GPT2: variants seen among roughly 807,000 people sequenced by gnomAD.
GPT2 encodes alanine aminotransferase 2.
A neutral mutation model predicts 56.9 loss-of-function variants in GPT2; 30 were observed. The observed-to-expected ratio is 0.53, with a 90% CI of 0.39 to 0.72. GPT2 has a LOEUF of 0.72. Among genes scored for constraint, GPT2 ranks in the 30% least tolerant of loss-of-function variants. GPT2 has a pLI of 0.00. For synonymous variants in GPT2, 271 were observed against 283.1 expected (o/e 0.96, Z 0.43); for missense variants, 542 against 703.4 (o/e 0.77, Z 2.60).
chr16:46,919,160 AG>A (rs1284488071), intron 8 of GPT2, among the ~76,000 whole-genome samples: 1 of 152,222 alleles, frequency 6.6e-6, no homozygotes, highest in Non-Finnish European at 1.5e-5. Flanking sequence ...GTGACCTCAG[AG>A]GCTAAAGGGT....
At position 46,926,958 on chromosome 16, in the gene GPT2, A is replaced by G; in HGVS notation, c.1402A>G (p.Met468Val). The change falls in exon 11 of 12, where the codon ATG becomes GTG. Residue 468 changes from methionine to valine, a missense_variant. Coordinates refer to ENST00000340124, the MANE Select transcript of GPT2 (RefSeq NM_133443.4). ...HQMAPDMFYCMKLLEETGICV... is the reference protein window; with the variant it reads ...HQMAPDMFYCVKLLEETGICV... ...AATGGCTCCAGACATGTTCTACTGC[A>G]TGAAGCTCCTGGAGGAGACTGGCAT... 10 of 1,606,098 alleles carry G rather than the reference A, an allele frequency of 6.2e-6. No homozygotes were observed. Among genetic ancestry groups the G allele is most frequent in the Non-Finnish European group, 6.8e-6 (8 of 1,176,588 alleles).
rs894583862 is a variant in GPT2 at position 46,926,909 on chromosome 16, C to T, written c.1369-16C>T. 8 of 1,498,216 alleles carry T rather than the reference C, an allele frequency of 5.3e-6. No homozygotes were observed. In the African/African-American group the frequency reaches 8.4e-5, roughly 16 times the overall value. The allele number at this position is 1,498,216 out of a possible 1,614,324, so 92.8% of individuals were successfully genotyped here. A position where few individuals can be genotyped will look rare whatever the true frequency, so the allele number is the denominator to read the frequency against. On this transcript the variant is annotated splice_polypyrimidine_tract_variant and intron_variant, in intron 10 of 11. Transcript: ENST00000340124. ...GCAAAGCCAGGAATGATCATGAGCT[C>T]TGTCTGCTCCCATAGGCCCATCAAA...
chr16:46,906,395 T>A (rs1960926562), intron 4 of GPT2, among the ~76,000 whole-genome samples: 1 of 152,096 alleles, frequency 6.6e-6, no homozygotes, highest in African/African-American at 2.4e-5. Flanking sequence ...GTTGGCCCAC[T>A]CTCTCAAGTC....
At chr16:46,891,276 T>C (rs1324941922) in intron 2 of GPT2, among the ~76,000 whole-genome samples, 1 of 151,708 alleles carries the variant, frequency 6.6e-6, no homozygotes, top group African/African-American at 2.4e-5. Flanking sequence ...GGAGTCTCGC[T>C]CTGTTGCCCA....
chr16:46,906,903 C>T lies in GPT2; in HGVS notation c.504C>T (p.Thr168=). Residue 168 remains threonine, a synonymous_variant, in exon 5 of 12, where the codon ACC becomes ACT. Transcript: ENST00000340124. ...GTGAAGATGTGGCTGCCTACATCACCAGGAGGGATGGCGGTGTGCCTGCGG... is the reference window on the plus strand; with the variant it reads ...GTGAAGATGTGGCTGCCTACATCACTAGGAGGGATGGCGGTGTGCCTGCGG... ...CIREDVAAYI[T]RRDGGVPADP... 1.9e-6 allele frequency: 3 copies of T among 1,614,238 alleles called. No homozygotes were observed. The highest frequency in any genetic ancestry group is 1.6e-4 in the Middle Eastern group (1 of 6,062).
intron 2 of GPT2, among the ~76,000 whole-genome samples, chr16:46,891,645 G>A (rs745779990): frequency 4.6e-5 from 7 of 152,028 alleles, no homozygotes; most frequent in South Asian, 2.1e-4. Context: ...CACCGCGCCC[G>A]GGCAGTAGAT....
Position 46,916,652 on chromosome 16 carries a change from T to G in GPT2, c.845T>G (p.Ile282Arg), listed in dbSNP as rs780263424. 6.2e-7 allele frequency: 1 copy of G among 1,613,828 alleles called. No homozygotes were observed. The stretch of plus-strand genomic sequence containing the variant: ...GGCCAGGTACAAAGCAGAAAGTGCA[T>G]AGAAGATGTGATCCACTTTGCCTGG... ...PTGQVQSRKC[I>R]EDVIHFAWEE... The change falls in exon 7 of 12, where the codon ATA becomes AGA. Residue 282 changes from isoleucine to arginine, a missense_variant. Physicochemically the swap from Ile to Arg is moderately conservative, Grantham distance 97. Transcript: ENST00000340124.
intron 8 of GPT2, among the ~76,000 whole-genome samples, chr16:46,919,852 T>C (rs1596631647): frequency 6.6e-6 from 1 of 151,864 alleles, no homozygotes; most frequent in East Asian, 1.9e-4. Flanking sequence ...CCTGGATGTA[T>C]TTGAAGGTGG....
At chr16:46,908,812 G>T (rs1350567265) in intron 5 of GPT2, among the ~76,000 whole-genome samples, 1 of 152,212 alleles carries the variant, frequency 6.6e-6, no homozygotes, top group Non-Finnish European at 1.5e-5. Context: ...ACAAGATTCA[G>T]TGGAAAGAAT....
chr16:46,895,105 C>G (rs1023418507), intron 2 of GPT2, among the ~76,000 whole-genome samples: 1 of 152,090 alleles, frequency 6.6e-6, no homozygotes, highest in African/African-American at 2.4e-5. Flanking sequence ...GAGCCACTTC[C>G]GGGGCATCTT....
intron 4 of GPT2, among the ~76,000 whole-genome samples, chr16:46,902,213 G>A (rs894920547): frequency 5.9e-5 from 9 of 152,184 alleles, no homozygotes; most frequent in African/African-American, 1.7e-4. Flanking sequence ...GAGTTCCCTC[G>A]TGGGGTATTA....
At chr16:46,926,749 C>T (rs1317764256) in intron 10 of GPT2, among the ~76,000 whole-genome samples, 176 bp from the exon 11 acceptor site, 2 of 152,242 alleles carry the variant, frequency 1.3e-5, no homozygotes, top group Non-Finnish European at 2.9e-5. Flanking sequence ...GGTGTCTGTG[C>T]CTGGCACCAG....
chr16:46,898,967 C>T (rs28400363), intron 3 of GPT2, among the ~76,000 whole-genome samples: 1 of 12,786 alleles, frequency 7.8e-5, no homozygotes, highest in Non-Finnish European at 1.8e-4. Flanking sequence ...TATATATATA[C>T]ACACACACAT....
At chr16:46,925,834 A>T (rs150211562) in intron 10 of GPT2, among the ~76,000 whole-genome samples, 1,872 of 151,248 alleles carry the variant, frequency 0.012, 33 homozygotes, top group African/African-American at 0.042. Flanking sequence ...AAATAAATTT[A>T]AAAAAAAAGA....
At chr16:46,926,247 G>A (rs936722834) in intron 10 of GPT2, among the ~76,000 whole-genome samples, 8 of 151,120 alleles carry the variant, frequency 5.3e-5, no homozygotes, top group Non-Finnish European at 1.0e-4. Flanking sequence ...TCAGGAGTTC[G>A]AGACCAGCCT....
At position 46,924,507 on chromosome 16, in the gene GPT2, G is replaced by A. The variant is rs770380986; in HGVS notation, c.1331G>A (p.Arg444Gln). The A allele has an allele frequency of 6.8e-6, 11 of 1,614,080 alleles. No individual in the cohort carries two copies. The highest frequency in any genetic ancestry group is 5.0e-5 in the Admixed American group (3 of 60,004). Residue 444 changes from arginine to glutamine, a missense_variant, in exon 10 of 12, where the codon CGG becomes CAG. Transcript: ENST00000340124. Reference sequence around the variant, plus strand: ...CAGGGGGCCATGTACGCCTTCCCTCGGATCTTCATTCCTGCCAAAGCTGTG... The same window carrying A: ...CAGGGGGCCATGTACGCCTTCCCTCAGATCTTCATTCCTGCCAAAGCTGTG... ...PLQGAMYAFP[R>Q]IFIPAKAVEA...
rs181063966 is a variant in GPT2 at position 46,929,099 on chromosome 16, G to T, written c.*102G>T. The T allele has an allele frequency of 5.0e-5, 43 of 853,854 alleles. No homozygotes were observed. In the Admixed American group the frequency reaches 7.1e-4, roughly 14 times the overall value. 52.9% of individuals were successfully genotyped at this position (853,854 alleles called of 1,614,324 possible). ...GTGACTCTGCCTCGGGCCTCGCAGA[G>T]GCCGCTGGTCACTTCGTCATCATTT... is the stretch of plus-strand genomic sequence containing the variant. On this transcript the variant is annotated 3_prime_UTR_variant, in exon 12 of 12. Transcript: ENST00000340124.
intron 6 of GPT2, among the ~76,000 whole-genome samples, chr16:46,914,747 G>C (rs1961109094): frequency 6.6e-6 from 1 of 152,116 alleles, no homozygotes; most frequent in Non-Finnish European, 1.5e-5. Flanking sequence ...GCGGGGAGAG[G>C]CCTTGTCCCT....
chr16:46,915,698 A>G (rs1961138855), intron 6 of GPT2: 1 of 147,418 alleles, frequency 6.8e-6, no homozygotes, highest in Admixed American at 6.7e-5. Context: ...CACACACCAC[A>G]CACAGATACA....
Sources: allele counts gnomAD v4.1 joint callset (sites outside exome capture counted in the v4.1 genomes callset), GRCh38; gene constraint gnomAD v4.1.1; transcripts MANE v1.5; gene names NCBI Gene and HGNC (gene_info 2026-07-23, HGNC 2026-07-21).